The following PDE1C variants were observed in gnomAD, a reference collection of about 807,000 sequenced individuals.
PDE1C encodes dual specificity calcium/calmodulin-dependent 3',5'-cyclic nucleotide phosphodiesterase 1C.
A neutral mutation model predicts 93.1 loss-of-function variants in PDE1C; 62 were observed. The ratio of observed to expected loss-of-function variants is 0.67; its 90% CI spans 0.54 to 0.82. The LOEUF is 0.82. Among genes scored for constraint, PDE1C ranks in the 40% least tolerant of loss-of-function variants. PDE1C has a pLI of 0.00. For synonymous variants in PDE1C, 325 were observed against 310.1 expected (o/e 1.05, Z -0.50); for missense variants, 742 against 884.6 (o/e 0.84, Z 2.04).
chr7:31,914,409 T>A (rs1364645871), intron 2 of PDE1C, among the ~76,000 whole-genome samples: 2 of 152,338 alleles, frequency 1.3e-5, no homozygotes, highest in Admixed American at 1.3e-4. Context: ...TATTCATCTA[T>A]ATCCAAATGT....
At chr7:31,994,468 TCA>T (rs1314393503) in intron 2 of PDE1C, among the ~76,000 whole-genome samples, 1 of 152,180 alleles carries the variant, frequency 6.6e-6, no homozygotes, top group African/African-American at 2.4e-5. Context: ...CTATGACCTC[TCA>T]GTTTTCTTAT....
chr7:32,143,609 T>C (rs566028266), intron 3 of PDE1C, among the ~76,000 whole-genome samples: 1 of 152,108 alleles, frequency 6.6e-6, no homozygotes, highest in Non-Finnish European at 1.5e-5. Context: ...AGAGATTAAA[T>C]AGGTTTAACT....
chr7:31,931,022 C>T (rs1431805559), intron 2 of PDE1C, among the ~76,000 whole-genome samples: 1 of 152,070 alleles, frequency 6.6e-6, no homozygotes, highest in Non-Finnish European at 1.5e-5. Flanking sequence ...AAAAGGCCTT[C>T]AGTAAAATTC....
At chr7:32,270,090 A>G (rs751320792) in intron 1 of PDE1C, among the ~76,000 whole-genome samples, 3 of 152,244 alleles carry the variant, frequency 2.0e-5, no homozygotes, top group South Asian at 2.1e-4. Context: ...AGGGCACCCA[A>G]TTGAAAAGTT....
At chr7:32,146,617 C>T (rs1800853014) in intron 3 of PDE1C, among the ~76,000 whole-genome samples, 1 of 152,106 alleles carries the variant, frequency 6.6e-6, no homozygotes, top group South Asian at 2.1e-4. Flanking sequence ...AATACATCTG[C>T]AAAGACCCTT....
At chr7:32,299,605 C>T (rs1812832334), upstream of PDE1C, among the ~76,000 whole-genome samples, 1 of 152,222 alleles carries the variant, frequency 6.6e-6, no homozygotes, top group Admixed American at 6.5e-5. Flanking sequence ...AGCTGACGCT[C>T]TTATTACAGG....
chr7:31,850,393 TTAGAA>T (rs1195135381), intron 8 of PDE1C, among the ~76,000 whole-genome samples: 1 of 152,022 alleles, frequency 6.6e-6, no homozygotes, highest in African/African-American at 2.4e-5. Context: ...ATAGCGAACA[TTAGAA>T]TAGAGAAGAA....
At chr7:32,281,077 T>C (rs1336241496) in intron 1 of PDE1C, among the ~76,000 whole-genome samples, 1 of 152,086 alleles carries the variant, frequency 6.6e-6, no homozygotes, top group Non-Finnish European at 1.5e-5. Flanking sequence ...ATATTTTAAA[T>C]CAGTGCAGAA....
intron 1 of PDE1C, among the ~76,000 whole-genome samples, chr7:32,336,983 A>C (rs747779142): frequency 6.6e-6 from 1 of 151,886 alleles, no homozygotes; most frequent in Non-Finnish European, 1.5e-5. Flanking sequence ...GTCATCTTAC[A>C]CCCCGCCCTC....
intron 16 of PDE1C, chr7:31,785,059 G>A (rs1783782250): frequency 6.6e-6 from 1 of 152,176 alleles, no homozygotes. Context: ...CCATTCTATA[G>A]CCATGGGGTT....
the PDE1C span, among the ~76,000 whole-genome samples, chr7:31,640,378 C>A: frequency 1.3e-5 from 2 of 152,182 alleles, no homozygotes; most frequent in Non-Finnish European, 2.9e-5. Flanking sequence ...TCAAGAGAGA[C>A]CCTCTAGAGT....
At chr7:31,889,065 T>C (rs537546006) in intron 2 of PDE1C, among the ~76,000 whole-genome samples, 1 of 152,338 alleles carries the variant, frequency 6.6e-6, no homozygotes, top group Non-Finnish European at 1.5e-5. Context: ...ACTCAACATT[T>C]AGAAATATGA....
chr7:32,196,208 G>A (rs1335034525), intron 2 of PDE1C, among the ~76,000 whole-genome samples: 1 of 152,206 alleles, frequency 6.6e-6, no homozygotes, highest in Non-Finnish European at 1.5e-5. Flanking sequence ...ACAGCCTTGT[G>A]AGGGTGGACA....
rs1309707740 is a variant in PDE1C at position 32,298,047 on chromosome 7, TCTCTCTCTCTCTCTCTCC to T, written c.85+586_85+603del. On this transcript the variant is annotated intron_variant, in intron 1 of 18. Coordinates refer to the PDE1C transcript ENST00000396193. ...CTCTCTCTCTCTCTCTCTCTCTCTC[TCTCTCTCTCTCTCTCTCC>T]CCTCTCTCTCTGAATTCCCCGGTCT... Among the ~76,000 whole-genome samples, 442 of 78,026 alleles carry T rather than the reference TCTCTCTCTCTCTCTCTCC, an allele frequency of 5.7e-3. 84 individuals carry two copies. The highest frequency in any genetic ancestry group is 9.9e-3 in the African/African-American group (180 of 18,190). The allele number at this position is 78,026 out of a possible 152,430, so 51.2% of individuals were successfully genotyped here.
intron 3 of PDE1C, among the ~76,000 whole-genome samples, chr7:32,120,148 C>T (rs995349598): frequency 6.6e-6 from 1 of 152,230 alleles, no homozygotes; most frequent in Admixed American, 6.5e-5. Context: ...CTCTTCAGGC[C>T]TGACCCTGAC....
At chr7:32,007,251 C>T (rs1786399319) in intron 2 of PDE1C, among the ~76,000 whole-genome samples, 1 of 152,104 alleles carries the variant, frequency 6.6e-6, no homozygotes, top group African/African-American at 2.4e-5. Flanking sequence ...GTACATAGGC[C>T]ATGTGTCCTA....
chr7:32,192,391 G>A (rs1050267858), intron 2 of PDE1C, among the ~76,000 whole-genome samples: 1 of 152,086 alleles, frequency 6.6e-6, no homozygotes, highest in African/African-American at 2.4e-5. Flanking sequence ...ACAGGTCAAG[G>A]TTCGTATTTT....
Position 31,825,061 on chromosome 7 carries a change from G to A in PDE1C, c.1286-74C>T, listed in dbSNP as rs1440020165. 8.2e-6 allele frequency: 13 copies of A among 1,579,316 alleles called. No homozygotes were observed. The Admixed American group carries it at 2.0e-4, about 25-fold the overall frequency. Reference sequence around the variant, plus strand: ...CTTTCCATACTTTCCAGAAGAAACTGATCTAGAAGTTCCAGATCAGATTAA... The same window carrying A: ...CTTTCCATACTTTCCAGAAGAAACTAATCTAGAAGTTCCAGATCAGATTAA... On this transcript the variant is annotated intron_variant, in intron 12 of 17. Transcript: ENST00000396191.
intron 2 of PDE1C, among the ~76,000 whole-genome samples, chr7:32,204,277 C>A (rs1200779506): frequency 2.0e-5 from 3 of 152,186 alleles, no homozygotes; most frequent in African/African-American, 7.2e-5. Flanking sequence ...CTGGAATTTT[C>A]CATTTCATAT....
Sources: allele counts gnomAD v4.1 joint callset (sites outside exome capture counted in the v4.1 genomes callset), GRCh38; gene constraint gnomAD v4.1.1; transcripts MANE v1.5; gene names NCBI Gene and HGNC (gene_info 2026-07-23, HGNC 2026-07-21).